The following ITIH3 variants were observed in gnomAD, a reference collection of about 807,000 sequenced individuals.
The protein encoded by ITIH3 is inter-alpha-trypsin inhibitor heavy chain 3.
ITIH3 carries 81 observed loss-of-function variants against 96.5 expected under a neutral mutation model. The observed-to-expected ratio is 0.84, with a 90% CI of 0.70 to 1.01. The LOEUF is 1.01. Among genes scored for constraint, ITIH3 ranks in the 50% least tolerant of loss-of-function variants. The probability of loss-of-function intolerance (pLI) is 0.00; values close to 1 mark genes in which losing one functional copy is unlikely to be tolerated. For missense variants in ITIH3, 1,057 were observed against 1,139.3 expected (o/e 0.93, Z 1.04); for synonymous variants, 422 against 445.2 (o/e 0.95, Z 0.66).
rs1406324532 is a variant in ITIH3 at position 52,808,447 on chromosome 3, G to C, written c.2544-105G>C. 4.8e-6 allele frequency: 7 copies of C among 1,460,162 alleles called. No homozygotes were observed. In the African/African-American group the frequency reaches 8.4e-5, roughly 18 times the overall value. 90.5% of individuals were successfully genotyped at this position (1,460,162 alleles called of 1,614,324 possible). A position where few individuals can be genotyped will look rare whatever the true frequency, so the allele number is the denominator to read the frequency against. On this transcript the variant is annotated intron_variant, in intron 21 of 21. Coordinates refer to ENST00000449956, the MANE Select transcript of ITIH3 (RefSeq NM_002217.4). The stretch of plus-strand genomic sequence containing the variant: ...TTCATTCTTGACCAAAGAATTCTGG[G>C]CTGTTAGAATTGCCAACTTCCCACC...
chr3:52,805,277 C>A (rs985790704), intron 15 of ITIH3: 64 of 1,008,316 alleles, frequency 6.3e-5, no homozygotes, highest in Non-Finnish European at 6.0e-5. Flanking sequence ...GCCTCCCCAG[C>A]CCCTACTGGC....
intron 15 of ITIH3, chr3:52,805,322 C>T (rs1301422329): frequency 9.9e-7 from 1 of 1,008,684 alleles, no homozygotes; most frequent in Non-Finnish European, 1.2e-6. Flanking sequence ...CACATTTGGA[C>T]TGGGCCATCA....
chr3:52,806,842 A>T (rs981775716), intron 18 of ITIH3, 59 bp from the exon 19 acceptor site: 3 of 1,424,596 alleles, frequency 2.1e-6, no homozygotes, highest in Non-Finnish European at 2.9e-6. Flanking sequence ...ACACCCCTAA[A>T]GGCAATCTGG....
chr3:52,800,016 C>T (rs1675294696), intron 9 of ITIH3, 95 bp downstream of exon 9: 2 of 1,225,228 alleles, frequency 1.6e-6, no homozygotes, highest in Admixed American at 2.3e-5. Flanking sequence ...CTGCTGGTCT[C>T]AGGCCCTCTT....
chr3:52,797,219 C>A lies in ITIH3; in HGVS notation c.501C>A (p.Tyr167Ter). ...TGCTGAAGAGGCACAAGGGCAAGTACGAGATGTACCTCAAGGTCCAGCCTA... is the reference window on the plus strand; with the variant it reads ...TGCTGAAGAGGCACAAGGGCAAGTAAGAGATGTACCTCAAGGTCCAGCCTA... ...EELLKRHKGKYEMYLKVQPKQ... is the reference protein window; with the variant it reads ...EELLKRHKGK The change falls in exon 5 of 22, where the codon TAC (tyrosine) becomes TAA (stop). Residue 167 changes from tyrosine to a stop codon, truncating the protein, a stop_gained. Transcript: ENST00000449956. LOFTEE classifies it high-confidence loss of function. 2 of 1,607,564 alleles carry A rather than the reference C, an allele frequency of 1.2e-6. No individual in the cohort carries two copies. The highest frequency in any genetic ancestry group is 1.7e-6 in the Non-Finnish European group (2 of 1,177,272).
intron 6 of ITIH3, among the ~76,000 whole-genome samples, chr3:52,798,289 G>T (rs147448939): frequency 6.6e-6 from 1 of 152,248 alleles, no homozygotes; most frequent in Non-Finnish European, 1.5e-5. Context: ...AGACTAAAGA[G>T]AACTTCATTC....
Position 52,799,501 on chromosome 3 carries a change from A to C in ITIH3, c.906+13A>C. 1.3e-6 allele frequency: 2 copies of C among 1,576,822 alleles called. No individual in the cohort carries two copies. Among genetic ancestry groups the C allele is most frequent in the Non-Finnish European group, 1.7e-6 (2 of 1,156,946 alleles). ...GAAATTAGAGCAGGTAATCAGCACC[A>C]GTGGCACAGCCAGGGCTCGGGGTAG... On this transcript the variant is annotated intron_variant, in intron 8 of 21. Transcript: ENST00000449956.
At chr3:52,806,181 C>T (rs751048045) in intron 17 of ITIH3, 43 bp downstream of exon 17, 3 of 1,598,662 alleles carry the variant, frequency 1.9e-6, no homozygotes, top group East Asian at 2.3e-5. Flanking sequence ...GGGGCCTGGG[C>T]ACGTGCTCCT....
intron 6 of ITIH3, 21 bp from the exon 7 acceptor site, chr3:52,798,945 T>C (rs1428358303): frequency 3.1e-6 from 5 of 1,611,346 alleles, no homozygotes; most frequent in Middle Eastern, 1.7e-4. Context: ...CTGAGCAAGG[T>C]CTTTCATCTC....
intron 14 of ITIH3, 188 bp from the exon 15 acceptor site, chr3:52,804,538 C>G: frequency 1.7e-6 from 1 of 601,978 alleles, no homozygotes; most frequent in South Asian, 2.0e-5. Context: ...AGAGCTGGGC[C>G]TGGCCAGGCC....
chr3:52,796,680 C>A (rs201541224), intron 3 of ITIH3, 33 bp downstream of exon 3: 2 of 1,606,432 alleles, frequency 1.2e-6, no homozygotes, highest in African/African-American at 2.7e-5. Context: ...GCTCTGGGCT[C>A]GGGAACAGGG....
In ITIH3 at chr3:52,808,612, C is replaced by G; in HGVS notation, c.2604C>G (p.Phe868Leu). Residue 868 changes from phenylalanine (F) to leucine (L), a missense_variant, in exon 22 of 22, where the codon TTC (phenylalanine) becomes TTG (leucine). Phe to Leu is a conservative substitution (Grantham distance 22). Coordinates refer to ENST00000449956, the MANE Select transcript of ITIH3 (RefSeq NM_002217.4). The stretch of plus-strand genomic sequence containing the variant: ...TCGGCACGAAGGTTGTCTGCTGGTT[C>G]GTCCACAACAACGGAGAAGGGCTGA... ...ASIGTKVVCW[F>L]VHNNGEGLID... 1.9e-6 allele frequency: 3 copies of G among 1,614,000 alleles called. No individual in the cohort carries two copies. Among genetic ancestry groups the G allele is most frequent in the Non-Finnish European group, 2.5e-6 (3 of 1,179,880 alleles).
chr3:52,801,498 G>A (rs11712872), intron 11 of ITIH3, among the ~76,000 whole-genome samples: 11,488 of 152,246 alleles, frequency 0.075, 570 homozygotes, highest in Non-Finnish European at 0.11. Context: ...TGAGAGAAAC[G>A]TATTGTCTCC....
In ITIH3 at chr3:52,808,114, A is replaced by G. The variant is rs199785782; in HGVS notation, c.2436A>G (p.Gln812=). 12 of 1,613,934 alleles carry G rather than the reference A, an allele frequency of 7.4e-6. No homozygotes were observed. Among genetic ancestry groups the G allele is most frequent in the African/African-American group, 1.3e-5 (1 of 74,938 alleles). Residue 812 remains glutamine (Q), a synonymous_variant, in exon 21 of 22, where the codon CAA becomes CAG. Coordinates refer to ENST00000449956, the MANE Select transcript of ITIH3 (RefSeq NM_002217.4). ...MSAQTHGLLG[Q]FFQPFDFKVS... ...CATGAATATTTTTCTTCCCAGGGCAATTCTTCCAACCCTTTGACTTTAAAG... is the reference window on the plus strand; with the variant it reads ...CATGAATATTTTTCTTCCCAGGGCAGTTCTTCCAACCCTTTGACTTTAAAG...
intron 6 of ITIH3, among the ~76,000 whole-genome samples, chr3:52,798,210 T>C (rs953228686): frequency 6.6e-6 from 1 of 152,168 alleles, no homozygotes; most frequent in South Asian, 2.1e-4. Flanking sequence ...ATCTTCCCTG[T>C]TTTACAGGTC....
rs373768824 is a variant in ITIH3, at chr3:52,800,677, G to A, written c.1201+14G>A. 1 of 1,597,200 alleles carries A rather than the reference G, an allele frequency of 6.3e-7. No individual in the cohort carries two copies. The highest frequency in any genetic ancestry group is 1.1e-5 in the South Asian group (1 of 87,978). Reference sequence around the variant, plus strand: ...ATGCCAATGTTGGTGAGGAGCACGGGCATGGTTTTGAGCTAGGGCTGGAGT... The same window carrying A: ...ATGCCAATGTTGGTGAGGAGCACGGACATGGTTTTGAGCTAGGGCTGGAGT... On this transcript the variant is annotated intron_variant, in intron 10 of 21. Transcript: ENST00000449956.
intron 2 of ITIH3, 102 bp from the exon 3 acceptor site, chr3:52,796,373 CGGGCAG>C: frequency 1.1e-6 from 1 of 924,036 alleles, no homozygotes; most frequent in Non-Finnish European, 1.6e-6. Context: ...GGTTGCGTGC[CGGGCAG>C]GGGCCTCAGA....
intron 16 of ITIH3, 127 bp downstream of exon 16, chr3:52,805,967 T>C (rs1700024582): frequency 4.0e-6 from 6 of 1,513,658 alleles, no homozygotes; most frequent in East Asian, 2.3e-5. Context: ...CCTGAGGAGA[T>C]TGCGGGGTGG....
chr3:52,804,924 T>C (rs1699983320), intron 15 of ITIH3, 190 bp downstream of exon 15: 2 of 647,706 alleles, frequency 3.1e-6, no homozygotes, highest in South Asian at 3.8e-5. Flanking sequence ...GTGAGTTAAT[T>C]GGGGGTGGCT....
Sources: gnomAD v4.1 joint callset for allele counts (sites outside exome capture counted in the v4.1 genomes callset) on GRCh38, gnomAD v4.1.1 for gene constraint, MANE v1.5 for transcripts, NCBI Gene and HGNC (gene_info 2026-07-23, HGNC 2026-07-21) for gene names.